Variants in IQSEC2 observed in about 807,000 individuals in gnomAD.
IQSEC2 encodes the protein IQ motif and SEC7 domain-containing protein 2.
A neutral mutation model predicts 74.6 loss-of-function variants in IQSEC2; 6 were observed. The observed-to-expected ratio is 0.08, with a 90% confidence interval of 0.04 to 0.16. The LOEUF (loss-of-function observed/expected upper bound fraction) is 0.16. Among genes scored for constraint, IQSEC2 ranks in the 10% least tolerant of loss-of-function variants. The pLI is 1.00. For synonymous variants in IQSEC2, 494 were observed against 544.5 expected (o/e 0.91, Z 1.29); for missense variants, 734 against 1,306.2 (o/e 0.56, Z 6.75).
chrX:53,250,265 C>A lies in IQSEC2; in HGVS notation c.2297+14G>T. On this transcript the variant is annotated intron_variant, in intron 5 of 14. Transcript: ENST00000642864. The stretch of plus-strand genomic sequence containing the variant: ...GTAGGAAGGGGTAAGCAGGCTAGAA[C>A]GGGGAGCACGCACTTGTTGAAGAGG... 2.5e-6 allele frequency: 3 copies of A among 1,209,521 alleles called. No individual in the cohort carries two copies. Among genetic ancestry groups the A allele is most frequent in the Non-Finnish European group, 3.4e-6 (3 of 894,754 alleles).
At chrX:53,317,162 G>T (rs191880038) in intron 1 of IQSEC2, among the ~76,000 whole-genome samples, 3 of 112,175 alleles carry the variant, frequency 2.7e-5, no homozygotes, top group Non-Finnish European at 3.8e-5. Context: ...CAGGCTTGGG[G>T]GGGTATGTGG....
At chrX:53,248,375 T>C in intron 6 of IQSEC2, 139 bp from the exon 7 acceptor site, 2 of 785,992 alleles carry the variant, frequency 2.5e-6, no homozygotes, top group Non-Finnish European at 3.7e-6. Flanking sequence ...CAAGTACACA[T>C]GAGGACAGAA....
chrX:53,254,676 C>T lies in IQSEC2; in HGVS notation c.1255G>A (p.Ala419Thr). The change falls in exon 4 of 15, where the codon GCT becomes ACT. Residue 419 changes from alanine (A) to threonine (T), a missense_variant. Physicochemically the swap from Ala to Thr is moderately conservative, Grantham distance 58. This residue lies in a region of IQSEC2 where 204 missense variants were observed against 305.4 expected (regional missense o/e 0.67). Coordinates refer to ENST00000642864, the MANE Select transcript of IQSEC2 (RefSeq NM_001111125.3). ...KPASLDEGAM[A>T]GARSHRLERG... ...TCAAGCCGGTGGCTCCGGGCACCAG[C>T]CATGGCACCCTCGTCCAGCGAGGCA... is the stretch of plus-strand genomic sequence containing the variant. The T allele has an allele frequency of 8.3e-7, 1 of 1,211,178 alleles. No homozygotes were observed. Among genetic ancestry groups the T allele is most frequent in the Non-Finnish European group, 1.1e-6 (1 of 895,044 alleles).
chrX:53,301,969 C>T (rs1212734265), intron 1 of IQSEC2, among the ~76,000 whole-genome samples: 1 of 112,212 alleles, frequency 8.9e-6, no homozygotes, highest in Non-Finnish European at 1.9e-5. Flanking sequence ...TGAGTCCAGG[C>T]TTTAGGTCAG....
Position 53,255,766 on chromosome X carries a change from G to A in IQSEC2, c.999+34C>T, listed in dbSNP as rs782307128. The A allele has an allele frequency of 5.0e-6, 6 of 1,208,937 alleles. No homozygotes were observed. The South Asian group carries it at 1.1e-4, about 21-fold the overall frequency. Reference sequence around the variant, plus strand: ...CTCCCCTGGCGCTCTCTTGCATCCCGACTCCCATTCCCAACCAGATGCCTC... The same window carrying A: ...CTCCCCTGGCGCTCTCTTGCATCCCAACTCCCATTCCCAACCAGATGCCTC... On this transcript the variant is annotated intron_variant, in intron 3 of 14. Coordinates refer to ENST00000642864, the MANE Select transcript of IQSEC2 (RefSeq NM_001111125.3).
chrX:53,246,497 A>G (rs1016655910), intron 8 of IQSEC2, among the ~76,000 whole-genome samples: 1 of 111,983 alleles, frequency 8.9e-6, no homozygotes, highest in Non-Finnish European at 1.9e-5. Context: ...GGCACCCATC[A>G]TGGGGCTTGG....
At chrX:53,266,955 G>A in intron 2 of IQSEC2, 1 of 1,152,760 alleles carries the variant, frequency 8.7e-7, no homozygotes, top group Non-Finnish European at 1.1e-6. Context: ...AATGGCCCTT[G>A]TCCTCTCAGT....
In IQSEC2 at chrX:53,234,098, G is replaced by T. The variant is rs1378307758; in HGVS notation, c.*121C>A. On this transcript the variant is annotated 3_prime_UTR_variant, in exon 15 of 15. Coordinates refer to ENST00000642864, the MANE Select transcript of IQSEC2 (RefSeq NM_001111125.3). ...GGTCCCAAGGCAGGGAGGACATGGG[G>T]AGGAGGACATTGCTATGTGTATATA... The T allele has an allele frequency of 3.2e-6, 1 of 315,487 alleles. No individual in the cohort carries two copies. Among genetic ancestry groups the T allele is most frequent in the East Asian group, 4.8e-5 (1 of 20,946 alleles). The allele number at this position is 315,487 out of a possible 1,213,427, so 26.0% of individuals were successfully genotyped here.
At position 53,234,790 on chromosome X, in the gene IQSEC2, G is replaced by A; in HGVS notation, c.3896C>T (p.Pro1299Leu). 1.8e-6 allele frequency: 2 copies of A among 1,118,776 alleles called. 1 individual carries two copies. The highest frequency in any genetic ancestry group is 4.3e-5 in the South Asian group (2 of 46,325). 92.2% of individuals were successfully genotyped at this position (1,118,776 alleles called of 1,213,427 possible). Residue 1299 changes from proline to leucine, a missense_variant, in exon 15 of 15, where the codon CCC becomes CTC. Physicochemically the swap from Pro to Leu is moderately conservative, Grantham distance 98 (BLOSUM62 -3). Around this residue, in one of 12 missense-constraint regions of IQSEC2, gnomAD observed 249 missense variants for 467.9 expected, o/e 0.53. Coordinates refer to ENST00000642864, the MANE Select transcript of IQSEC2 (RefSeq NM_001111125.3). ...TGGAATGGAGCCCAGCTGGGGCAAG[G>A]GTGGGGGCTGCTGGGGAGGTGGGGG... Reference protein sequence around the residue: ...SLPPPPQQPPPLPQLGSIPPP... With the variant: ...SLPPPPQQPPLLPQLGSIPPP...
chrX:53,318,370 T>C (rs1204244737), intron 1 of IQSEC2, among the ~76,000 whole-genome samples: 5 of 109,041 alleles, frequency 4.6e-5, no homozygotes, highest in Non-Finnish European at 7.7e-5. Context: ...CCTGGGGGGG[T>C]TCACAAAAAG....
At position 53,267,766 on chromosome X, in the gene IQSEC2, C is replaced by G. The variant is rs150000876; in HGVS notation, c.738-11705G>C. Among the ~76,000 whole-genome samples the G allele has an allele frequency of 2.4e-3, 264 of 111,885 alleles. 2 individuals carry two copies. The highest frequency in any genetic ancestry group is 8.2e-3 in the African/African-American group (253 of 30,763). ...TGGTTCCAGGCTATATGCCCTTGAG[C>G]GCATTATTGTCACTCTTGGAGCCTC... On this transcript the variant is annotated intron_variant, in intron 2 of 14. Coordinates refer to ENST00000642864, the MANE Select transcript of IQSEC2 (RefSeq NM_001111125.3).
rs1227148700 is a variant in IQSEC2 at position 53,237,001 on chromosome X, A to G, written c.3278-506T>C. On this transcript the variant is annotated intron_variant, in intron 12 of 14. Coordinates refer to ENST00000642864, the MANE Select transcript of IQSEC2 (RefSeq NM_001111125.3). The stretch of plus-strand genomic sequence containing the variant: ...GCTCCTGGAAGGGCAGGAGCAGGAA[A>G]CTGACAGGAATCAAATCCTCTTATT... Among the ~76,000 whole-genome samples the G allele has an allele frequency of 5.4e-5, 6 of 111,979 alleles. No homozygotes were observed. The East Asian group carries it at 1.1e-3, about 21-fold the overall frequency.
intron 1 of IQSEC2, among the ~76,000 whole-genome samples, chrX:53,316,180 G>A (rs1366506356): frequency 3.6e-5 from 4 of 111,926 alleles, no homozygotes; most frequent in East Asian, 2.8e-4. Context: ...CCCCTCCTGC[G>A]CTGTGCACAC....
Position 53,321,263 on chromosome X carries a change from C to T in IQSEC2, c.-140G>A. On this transcript the variant is annotated 5_prime_UTR_variant, in exon 1 of 15. Transcript: ENST00000642864. ...CACCGGGCTTGAGGGCCCGGGGGCC[C>T]TAGGGGGCCCGGGAGACAGCGCTGG... is the stretch of plus-strand genomic sequence containing the variant. 2.8e-6 allele frequency: 1 copy of T among 357,647 alleles called. No individual in the cohort carries two copies. 29.5% of individuals were successfully genotyped at this position (357,647 alleles called of 1,213,427 possible). A position where few individuals can be genotyped will look rare whatever the true frequency, so the allele number is the denominator to read the frequency against.
chrX:53,250,666 G>A lies in IQSEC2; in HGVS notation c.1910C>T (p.Pro637Leu), dbSNP rs1602283620. The A allele has an allele frequency of 8.3e-7, 1 of 1,210,328 alleles. No individual in the cohort carries two copies. The highest frequency in any genetic ancestry group is 1.1e-6 in the Non-Finnish European group (1 of 894,836). The change falls in exon 5 of 15, where the codon CCA becomes CTA. Residue 637 changes from proline (P) to leucine (L), a missense_variant. Pro to Leu is a moderately conservative substitution (Grantham distance 98). Around this residue, in one of 12 missense-constraint regions of IQSEC2, gnomAD observed 204 missense variants for 305.4 expected, o/e 0.67. Coordinates refer to ENST00000642864, the MANE Select transcript of IQSEC2 (RefSeq NM_001111125.3). ...SPHGTLKHKG[P>L]PGRAPIPHRH... is the part of the protein sequence containing the mutation. ...GTGTGGGATCGGGGCCCTGCCTGGT[G>A]GCCCCTTGTGCTTCAGGGTCCCATG...
chrX:53,297,467 C>T (rs905730861), intron 1 of IQSEC2, among the ~76,000 whole-genome samples: 2 of 110,638 alleles, frequency 1.8e-5, no homozygotes, highest in African/African-American at 3.3e-5. Context: ...GATGGGACTA[C>T]AGGCATGCAC....
chrX:53,227,016 A>G (rs1305103719), downstream of IQSEC2: 7 of 111,066 alleles, frequency 6.3e-5, no homozygotes, highest in African/African-American at 2.3e-4. Flanking sequence ...TATCACCTGA[A>G]TCCTTATATT....
At chrX:53,308,975 G>A (rs782733850) in intron 1 of IQSEC2, among the ~76,000 whole-genome samples, 152 of 108,776 alleles carry the variant, frequency 1.4e-3, no homozygotes, top group African/African-American at 4.8e-3. Flanking sequence ...GTAGTGGCAT[G>A]CACCTGTGGT....
intron 2 of IQSEC2, among the ~76,000 whole-genome samples, chrX:53,274,885 AT>A (rs1228597585): frequency 1.8e-5 from 2 of 111,172 alleles, no homozygotes; most frequent in African/African-American, 6.6e-5. Context: ...TGGGTTTTGT[AT>A]CTTTTTCTTA....
Sources: allele counts gnomAD v4.1 joint callset (sites outside exome capture counted in the v4.1 genomes callset), GRCh38; gene constraint gnomAD v4.1.1; regional missense constraint gnomAD v4.1.1; transcripts MANE v1.5; gene names NCBI Gene and HGNC (gene_info 2026-07-23, HGNC 2026-07-21).